The following ZDHHC15 variants were observed in gnomAD, a reference collection of about 807,000 sequenced individuals.
ZDHHC15 encodes the protein palmitoyltransferase ZDHHC15.
In ZDHHC15, 19 loss-of-function variants were observed where a neutral mutation model predicts 31.7. The observed-to-expected ratio is 0.60, with a 90% CI of 0.42 to 0.88. The LOEUF (loss-of-function observed/expected upper bound fraction) is 0.88, where lower values mean the gene tolerates loss of function less well. ZDHHC15 is among the 40% of genes least tolerant of loss of function. The probability of loss-of-function intolerance (pLI) is 0.00; values close to 1 mark genes in which losing one functional copy is unlikely to be tolerated. For synonymous variants in ZDHHC15, 103 were observed against 90.0 expected (o/e 1.14, Z -0.82); for missense variants, 209 against 251.2 (o/e 0.83, Z 1.14).
Position 75,417,081 on chromosome X carries a change from A to C in ZDHHC15, c.967+6T>G. The C allele has an allele frequency of 8.4e-7, 1 of 1,195,707 alleles. No homozygotes were observed. Among genetic ancestry groups the C allele is most frequent in the Non-Finnish European group, 1.1e-6 (1 of 882,326 alleles). On this transcript the variant is annotated splice_donor_region_variant and intron_variant, in intron 10 of 11. Transcript: ENST00000373367. ...TGTGGACTTCATAGTCTTTGACCCC[A>C]CTTACCTTGGTTGTCATCCTCGTTG...
intron 4 of ZDHHC15, among the ~76,000 whole-genome samples, chrX:75,439,340 C>A (rs2083906765): frequency 8.9e-6 from 1 of 111,785 alleles, no homozygotes; most frequent in African/African-American, 3.2e-5. Context: ...CACAAAACTT[C>A]TTGGAGCCTT....
At chrX:75,460,705 G>C (rs1444615156) in intron 3 of ZDHHC15, among the ~76,000 whole-genome samples, 2 of 110,811 alleles carry the variant, frequency 1.8e-5, no homozygotes, top group Non-Finnish European at 3.8e-5. Context: ...CCCTATAGGA[G>C]AGTGACCTGA....
rs1373348765 is a variant in ZDHHC15 at position 75,479,002 on chromosome X, AT to A, written c.164-18del. On this transcript the variant is annotated intron_variant, in intron 2 of 11. Coordinates refer to ENST00000373367, the MANE Select transcript of ZDHHC15 (RefSeq NM_144969.3). ...GGTAAATAACTGAAATAAAAAAAAA[AT>A]CAGTGTTTATACTATCTTTTTATCC... 5.7e-6 allele frequency: 6 copies of A among 1,045,822 alleles called. No individual in the cohort carries two copies. Among genetic ancestry groups the A allele is most frequent in the East Asian group, 3.1e-5 (1 of 32,373 alleles). 86.2% of individuals were successfully genotyped at this position (1,045,822 alleles called of 1,213,427 possible). A position where few individuals can be genotyped will look rare whatever the true frequency, so the allele number is the denominator to read the frequency against.
chrX:75,474,815 T>A lies in ZDHHC15; in HGVS notation c.258+4076A>T, dbSNP rs375578336. On this transcript the variant is annotated intron_variant, in intron 3 of 11. Coordinates refer to ENST00000373367, the MANE Select transcript of ZDHHC15 (RefSeq NM_144969.3). ...GCTCATGCCTGTAATCCCAGCACTT[T>A]GGGAGGCCGAGACGGGTGGATCATG... Among the ~76,000 whole-genome samples the A allele has an allele frequency of 5.2e-4, 57 of 110,293 alleles. 1 individual carries two copies. The East Asian group carries it at 0.016, about 31-fold the overall frequency.
At chrX:75,407,449 GC>G (rs2083427715) in intron 10 of ZDHHC15, among the ~76,000 whole-genome samples, 1 of 104,101 alleles carries the variant, frequency 9.6e-6, no homozygotes, top group Non-Finnish European at 2.0e-5. Context: ...GTGGGAGGCA[GC>G]CCCCGCCCGG....
At chrX:75,383,515 G>C (rs1239397994) in intron 10 of ZDHHC15, among the ~76,000 whole-genome samples, 1 of 110,429 alleles carries the variant, frequency 9.1e-6, no homozygotes, top group Non-Finnish European at 1.9e-5. Context: ...TGACAATACA[G>C]ATCCTATCTA....
intron 3 of ZDHHC15, among the ~76,000 whole-genome samples, chrX:75,451,536 T>C (rs935527898): frequency 8.9e-6 from 1 of 112,098 alleles, no homozygotes; most frequent in African/African-American, 3.2e-5. Flanking sequence ...ATGCCATTGA[T>C]CTTCAAAAGT....
chrX:75,464,847 T>C (rs1454112649), intron 3 of ZDHHC15, among the ~76,000 whole-genome samples: 1 of 111,683 alleles, frequency 9.0e-6, no homozygotes, highest in Non-Finnish European at 1.9e-5. Context: ...ACAGGTAATA[T>C]CATACTAAGT....
intron 4 of ZDHHC15, among the ~76,000 whole-genome samples, chrX:75,435,359 C>G (rs1602618178): frequency 9.0e-6 from 1 of 111,515 alleles, no homozygotes; most frequent in East Asian, 2.8e-4. Context: ...ATCACTCTGG[C>G]TAGGACTTCC....
intron 8 of ZDHHC15, among the ~76,000 whole-genome samples, chrX:75,422,960 C>A (rs1480287636): frequency 1.5e-5 from 1 of 68,151 alleles, no homozygotes; most frequent in African/African-American, 5.8e-5. Flanking sequence ...CCCCCCTCCC[C>A]CCACCCCACA....
At chrX:75,514,925 C>A (rs1011579960) in intron 1 of ZDHHC15, among the ~76,000 whole-genome samples, 1 of 111,785 alleles carries the variant, frequency 8.9e-6, no homozygotes, top group Non-Finnish European at 1.9e-5. Flanking sequence ...TACAAACTAC[C>A]TTCAGAGAAT....
Position 75,390,554 on chromosome X carries a change from C to T in ZDHHC15, c.968-11356G>A, listed in dbSNP as rs760297036. On this transcript the variant is annotated intron_variant, in intron 10 of 11. Coordinates refer to ENST00000373367, the MANE Select transcript of ZDHHC15 (RefSeq NM_144969.3). ...GAAAGTAAGGGAAGAGAACGAGAGC[C>T]TCTGTCTGGTAATCCATGGAATTCT... Among the ~76,000 whole-genome samples, 7 of 111,566 alleles carry T rather than the reference C, an allele frequency of 6.3e-5. No individual in the cohort carries two copies. The East Asian group carries it at 1.1e-3, about 18-fold the overall frequency.
At chrX:75,430,038 T>A in intron 5 of ZDHHC15, 58 bp from the exon 6 acceptor site, 1 of 1,136,018 alleles carries the variant, frequency 8.8e-7, no homozygotes, top group Non-Finnish European at 1.2e-6. Context: ...AAGCAACATC[T>A]CATAATTAAA....
intron 4 of ZDHHC15, among the ~76,000 whole-genome samples, chrX:75,443,416 T>C (rs1051716788): frequency 7.1e-5 from 8 of 112,036 alleles, no homozygotes; most frequent in East Asian, 2.8e-4. Context: ...GCTAGCCATA[T>C]GTAGAAAGCT....
At chrX:75,452,195 G>A (rs1288777113) in intron 3 of ZDHHC15, among the ~76,000 whole-genome samples, 5 of 64,248 alleles carry the variant, frequency 7.8e-5, no homozygotes, top group Middle Eastern at 0.017. Context: ...GATCTACCAA[G>A]CAAATAGAAA....
chrX:75,485,543 G>A (rs2084764125), intron 2 of ZDHHC15, among the ~76,000 whole-genome samples: 1 of 110,668 alleles, frequency 9.0e-6, no homozygotes, highest in Non-Finnish European at 1.9e-5. Context: ...CCCACCATCA[G>A]TAACCTGATA....
intron 4 of ZDHHC15, among the ~76,000 whole-genome samples, chrX:75,443,103 G>GA (rs1265587866): frequency 9.0e-6 from 1 of 110,959 alleles, no homozygotes; most frequent in Non-Finnish European, 1.9e-5. Context: ...CACAGAATTG[G>GA]AAAAAATACT....
intron 10 of ZDHHC15, among the ~76,000 whole-genome samples, chrX:75,386,322 C>T (rs926476435): frequency 6.3e-5 from 7 of 111,719 alleles, no homozygotes; most frequent in African/African-American, 2.3e-4. Flanking sequence ...TATTAGCACA[C>T]TCAAGAAAAT....
intron 2 of ZDHHC15, among the ~76,000 whole-genome samples, chrX:75,479,480 G>A (rs2084656373): frequency 8.9e-6 from 1 of 111,953 alleles, no homozygotes; most frequent in Non-Finnish European, 1.9e-5. Context: ...AATGTAGCCA[G>A]GTGTTAAAGA....
Sources: gnomAD v4.1 joint callset for allele counts (sites outside exome capture counted in the v4.1 genomes callset) on GRCh38, gnomAD v4.1.1 for gene constraint, MANE v1.5 for transcripts, NCBI Gene and HGNC (gene_info 2026-07-23, HGNC 2026-07-21) for gene names.